Variants in YLPM1 observed in about 807,000 individuals in gnomAD.
The protein encoded by YLPM1 is YLP motif containing 1.
YLPM1 carries 99 observed loss-of-function variants against 230.0 expected under a neutral mutation model. That is an observed-to-expected ratio of 0.43 (90% CI 0.37 to 0.51). The LOEUF is 0.51. Ranked by LOEUF, YLPM1 falls within the 20% of genes least tolerant of loss-of-function variation. The pLI, the probability that YLPM1 is intolerant of heterozygous loss-of-function variation, is 0.00. For missense variants in YLPM1, 2,592 were observed against 2,707.7 expected, an observed-to-expected ratio of 0.96 and a Z score of 0.95; for synonymous variants, 984 against 942.5, an observed-to-expected ratio of 1.04 and a Z score of -0.81.
intron 6 of YLPM1, among the ~76,000 whole-genome samples, chr14:74,803,828 T>G (rs988906727): frequency 6.6e-5 from 10 of 152,260 alleles, no homozygotes; most frequent in African/African-American, 2.2e-4. Context: ...ATTTTAAGCC[T>G]ATAGTTCGAG....
rs781351431 is a variant in YLPM1, at chr14:74,836,936, A to G, written c.*1198A>G. 9 of 152,372 alleles carry G rather than the reference A, an allele frequency of 5.9e-5. No homozygotes were observed. The highest frequency in any genetic ancestry group is 1.3e-4 in the Non-Finnish European group (9 of 68,036). 9.4% of individuals were successfully genotyped at this position (152,372 alleles called of 1,614,324 possible). On this transcript the variant is annotated 3_prime_UTR_variant, in exon 21 of 21. Coordinates refer to ENST00000325680, the MANE Select transcript of YLPM1 (RefSeq NM_019589.3). ...AAAAGTCATCTTTTAGCATGAAAGA[A>G]GATGAGAGAGCCTTCTTCCTCAAGC...
At position 74,810,233 on chromosome 14, in the gene YLPM1, G is replaced by A. The variant is rs2091420425; in HGVS notation, c.5041G>A (p.Gly1681Ser). ...ERSTFETEHA[G>S]QRDRYDRERD... ...ACTAATTGTTTTTGTAGAGCATGCAGGCCAACGTGATCGTTATGATAGAGA... is the reference window on the plus strand; with the variant it reads ...ACTAATTGTTTTTGTAGAGCATGCAAGCCAACGTGATCGTTATGATAGAGA... The change falls in exon 9 of 21, where the codon GGC becomes AGC. Residue 1681 changes from glycine to serine, a missense_variant. By Grantham distance (56) the Gly-to-Ser change is moderately conservative. Around this residue, in one of 4 missense-constraint regions of YLPM1, gnomAD observed 403 missense variants for 426.7 expected, o/e 0.94. Transcript: ENST00000325680. The A allele has an allele frequency of 6.2e-7, 1 of 1,613,586 alleles. No individual in the cohort carries two copies. The highest frequency in any genetic ancestry group is 8.5e-7 in the Non-Finnish European group (1 of 1,179,690).
rs1462409025 is a variant in YLPM1, at chr14:74,810,539, G to C, written c.5228+119G>C. The stretch of plus-strand genomic sequence containing the variant: ...CATGCATGTGTATATGTAATTTGGA[G>C]GGGGAAGAACAATTCTGGACCAGTT... On this transcript the variant is annotated intron_variant, in intron 9 of 20. Coordinates refer to ENST00000325680, the MANE Select transcript of YLPM1 (RefSeq NM_019589.3). The C allele has an allele frequency of 3.7e-6, 4 of 1,084,832 alleles. No individual in the cohort carries two copies. The East Asian group carries it at 7.6e-5, about 21-fold the overall frequency. 67.2% of individuals were successfully genotyped at this position (1,084,832 alleles called of 1,614,324 possible). A position where few individuals can be genotyped will look rare whatever the true frequency, so the allele number is the denominator to read the frequency against.
Position 74,798,220 on chromosome 14 carries a change from T to C in YLPM1, c.2923T>C (p.Ser975Pro). 6.2e-7 allele frequency: 1 copy of C among 1,613,994 alleles called. No homozygotes were observed. Among genetic ancestry groups the C allele is most frequent in the Non-Finnish European group, 8.5e-7 (1 of 1,179,894 alleles). ...GGGAGGAACAGCAGTAGCAACATCA[T>C]CATTAACAGCAGATAATGATTTTAA... ...MEGGTAVATS[S>P]LTADNDFKPV... Residue 975 changes from serine to proline, a missense_variant, in exon 5 of 21, where the codon TCA becomes CCA. This residue lies in a region of YLPM1 where 1,862 missense variants were observed against 1,819.8 expected (regional missense o/e 1.02). Coordinates refer to ENST00000325680, the MANE Select transcript of YLPM1 (RefSeq NM_019589.3).
At chr14:74,776,334 G>A (rs185776877) in intron 1 of YLPM1, among the ~76,000 whole-genome samples, 1 of 152,236 alleles carries the variant, frequency 6.6e-6, no homozygotes, top group African/African-American at 2.4e-5. Flanking sequence ...TGAACACATA[G>A]CCTTGTTTAT....
At chr14:74,824,132 G>A (rs1318367106) in intron 17 of YLPM1, 124 bp from the exon 18 acceptor site, 3 of 842,798 alleles carry the variant, frequency 3.6e-6, no homozygotes, top group South Asian at 1.8e-5. Context: ...CCCTAAGGAT[G>A]TATTTACAGC....
intron 6 of YLPM1, among the ~76,000 whole-genome samples, chr14:74,809,120 T>A (rs556132449): frequency 7.0e-4 from 107 of 151,808 alleles, no homozygotes; most frequent in African/African-American, 2.5e-3. Context: ...TTTTTTTTTT[T>A]ATGATTTGTC....
At chr14:74,835,633 C>A in intron 20 of YLPM1, 142 bp from the exon 21 acceptor site, 1 of 539,966 alleles carries the variant, frequency 1.9e-6, no homozygotes, top group Non-Finnish European at 3.2e-6. Flanking sequence ...TTTCTGCAAG[C>A]TGGCTCACTT....
chr14:74,799,172 G>A lies in YLPM1; in HGVS notation c.3875G>A (p.Arg1292Gln), dbSNP rs779109476. 1.1e-5 allele frequency: 17 copies of A among 1,613,844 alleles called. No homozygotes were observed. The highest frequency in any genetic ancestry group is 7.7e-5 in the South Asian group (7 of 91,060). ...MERDMDRDVD[R>Q]ISRPMDMYDR... ...AGGGACATGGACAGGGATGTGGATC[G>A]GATTTCAAGACCTATGGATATGTAT... Residue 1292 changes from arginine to glutamine, a missense_variant, in exon 5 of 21, where the codon CGG becomes CAG. Arg to Gln is a conservative substitution (Grantham distance 43). This residue lies in a region of YLPM1 where 1,862 missense variants were observed against 1,819.8 expected (regional missense o/e 1.02). Transcript: ENST00000325680.
rs201838422 is a variant in YLPM1, at chr14:74,798,469, C to G, written c.3172C>G (p.Arg1058Gly). Residue 1058 changes from arginine to glycine, a missense_variant, in exon 5 of 21, where the codon CGG (arginine) becomes GGG (glycine). Arg to Gly is a moderately radical substitution (Grantham distance 125). Transcript: ENST00000325680. ...AGGATTGGTCAAGCAAGAAGACTTT[C>G]GGGATAAGATGATGGGTAGAAGAGA... ...GPGLVKQEDF[R>G]DKMMGRREDS... The G allele has an allele frequency of 6.2e-7, 1 of 1,613,780 alleles. No homozygotes were observed. Among genetic ancestry groups the G allele is most frequent in the East Asian group, 2.2e-5 (1 of 44,864 alleles).
intron 1 of YLPM1, among the ~76,000 whole-genome samples, chr14:74,769,674 C>A (rs916624841): frequency 1.3e-5 from 2 of 151,212 alleles, no homozygotes; most frequent in Non-Finnish European, 2.9e-5. Flanking sequence ...CCACCTGCTA[C>A]GGCCTCCCAA....
intron 19 of YLPM1, among the ~76,000 whole-genome samples, chr14:74,833,859 T>G (rs1391844192): frequency 1.3e-5 from 2 of 152,114 alleles, no homozygotes; most frequent in Admixed American, 6.5e-5. Context: ...ATTCCCAGGT[T>G]CAGTGTAAAG....
chr14:74,764,724 TTTGAGAGAAAGCATGAA>T (rs937302297), intron 1 of YLPM1, among the ~76,000 whole-genome samples: 1 of 152,194 alleles, frequency 6.6e-6, no homozygotes, highest in Non-Finnish European at 1.5e-5. Flanking sequence ...AAAGTTTCCA[TTTGAGAGAAAGCATGAA>T]AAAGAGGCCT....
chr14:74,784,136 T>C (rs1311210164), intron 4 of YLPM1, among the ~76,000 whole-genome samples: 1 of 152,252 alleles, frequency 6.6e-6, no homozygotes, highest in African/African-American at 2.4e-5. Context: ...TAATTTGCTA[T>C]CAGAGAAGTA....
intron 4 of YLPM1, among the ~76,000 whole-genome samples, chr14:74,792,161 C>T (rs1206765635): frequency 5.3e-5 from 8 of 152,174 alleles, no homozygotes; most frequent in South Asian, 4.1e-4. Flanking sequence ...TACTCTCCAT[C>T]CTTAGCATTG....
chr14:74,814,933 T>C (rs2091464970), intron 11 of YLPM1, among the ~76,000 whole-genome samples: 1 of 152,232 alleles, frequency 6.6e-6, no homozygotes, highest in African/African-American at 2.4e-5. Context: ...TTATTTGTTC[T>C]TGAGTAAATT....
In YLPM1 at chr14:74,798,766, C is replaced by G. The variant is rs772242249; in HGVS notation, c.3469C>G (p.Leu1157Val). 6.2e-7 allele frequency: 1 copy of G among 1,613,654 alleles called. No homozygotes were observed. Among genetic ancestry groups the G allele is most frequent in the South Asian group, 1.1e-5 (1 of 91,052 alleles). The change falls in exon 5 of 21, where the codon CTG (leucine) becomes GTG (valine). Residue 1157 changes from leucine (L) to valine (V), a missense_variant. Transcript: ENST00000325680. ...AGGGCCTGGCAGTCGAGAAAGGGGA[C>G]TGGGAAGATCAGATTTTGGTCGTGA... ...PRGPGSRERG[L>V]GRSDFGRDRG...
chr14:74,802,803 A>G, intron 6 of YLPM1, 127 bp downstream of exon 6: 1 of 1,229,186 alleles, frequency 8.1e-7, no homozygotes, highest in Non-Finnish European at 1.1e-6. Context: ...TTGGAAACTT[A>G]AAAGTTTATG....
chr14:74,817,188 G>A lies in YLPM1; in HGVS notation c.5863-6G>A, dbSNP rs762469802. 5.6e-6 allele frequency: 9 copies of A among 1,599,880 alleles called. No homozygotes were observed. The highest frequency in any genetic ancestry group is 5.1e-6 in the Non-Finnish European group (6 of 1,172,708). On this transcript the variant is annotated splice_region_variant and splice_polypyrimidine_tract_variant and intron_variant, in intron 14 of 20. Transcript: ENST00000325680. ...CTTTGCCTAATTATTATTCATTCTTGCTTAGGTATATTTGGCTGAAATGAG... is the reference window on the plus strand; with the variant it reads ...CTTTGCCTAATTATTATTCATTCTTACTTAGGTATATTTGGCTGAAATGAG...
Sources: allele counts gnomAD v4.1 joint callset (sites outside exome capture counted in the v4.1 genomes callset), GRCh38; gene constraint gnomAD v4.1.1; regional missense constraint gnomAD v4.1.1; transcripts MANE v1.5; gene names NCBI Gene and HGNC (gene_info 2026-07-23, HGNC 2026-07-21).